The following GRIK4 variants were observed in gnomAD, a reference collection of about 807,000 sequenced individuals.
GRIK4 encodes the protein glutamate receptor ionotropic, kainate 4.
In GRIK4, 40 loss-of-function variants were observed where a neutral mutation model predicts 104.9. That is an observed-to-expected ratio of 0.38 (90% confidence interval 0.30 to 0.50). The LOEUF is 0.50. GRIK4 is among the 20% of genes least tolerant of loss of function. The pLI, the probability that GRIK4 is intolerant of heterozygous loss-of-function variation, is 0.93. For synonymous variants in GRIK4, 485 were observed against 524.9 expected (o/e 0.92, Z 1.04); for missense variants, 1,047 against 1,308.1 (o/e 0.80, Z 3.08).
rs924003768 is a variant in GRIK4 at position 120,600,235 on chromosome 11, C to T, written c.-158-53450C>T. 2.6e-5 allele frequency among the ~76,000 whole-genome samples: 4 copies of T among 152,330 alleles called. No individual in the cohort carries two copies. In the South Asian group the frequency reaches 6.2e-4, roughly 24 times the overall value. ...CCCACAGCGGGAGGGTACCTCCACC[C>T]ACCAGGCTTCCGGCTTCTCAGCGTG... On this transcript the variant is annotated intron_variant, in intron 1 of 20. Transcript: ENST00000527524.
At chr11:120,925,214 A>T (rs1943317046) in intron 13 of GRIK4, among the ~76,000 whole-genome samples, 1 of 152,212 alleles carries the variant, frequency 6.6e-6, no homozygotes, top group African/African-American at 2.4e-5. Context: ...TTACCCAACA[A>T]AAACAGTCCT....
intron 3 of GRIK4, among the ~76,000 whole-genome samples, chr11:120,698,998 G>A (rs944176768): frequency 6.6e-6 from 1 of 152,196 alleles, no homozygotes; most frequent in Non-Finnish European, 1.5e-5. Flanking sequence ...GTTAAAATGG[G>A]GATAAATTCT....
chr11:120,862,477 A>C (rs1954288298), intron 9 of GRIK4, among the ~76,000 whole-genome samples: 1 of 152,122 alleles, frequency 6.6e-6, no homozygotes, highest in Admixed American at 6.5e-5. Flanking sequence ...CATTTTTCAG[A>C]TAAGGAAACT....
intron 13 of GRIK4, among the ~76,000 whole-genome samples, chr11:120,930,702 C>T (rs752411953): frequency 4.1e-4 from 62 of 152,158 alleles, no homozygotes; most frequent in Non-Finnish European, 7.5e-4. Context: ...TTGAATAGAC[C>T]TTGAAGAGTA....
rs554940463 is a variant in GRIK4 at position 120,514,318 on chromosome 11, C to T, written c.-159+2431C>T. 3.3e-5 allele frequency among the ~76,000 whole-genome samples: 5 copies of T among 152,132 alleles called. No individual in the cohort carries two copies. The South Asian group carries it at 1.0e-3, about 32-fold the overall frequency. On this transcript the variant is annotated intron_variant, in intron 1 of 20. Coordinates refer to ENST00000527524, the MANE Select transcript of GRIK4 (RefSeq NM_014619.5). ...TACTTCATTTGATCTCTACTACAGC[C>T]CTGCAAGCATCTGATCGCTCCTTAC...
intron 1 of GRIK4, among the ~76,000 whole-genome samples, chr11:120,519,821 C>T (rs1947773821): frequency 6.6e-6 from 1 of 151,030 alleles, no homozygotes; most frequent in South Asian, 2.1e-4. Flanking sequence ...ATGCACTAAT[C>T]CCTCCCTAAT....
chr11:120,557,884 G>A (rs1182545857), intron 1 of GRIK4, among the ~76,000 whole-genome samples: 1 of 152,084 alleles, frequency 6.6e-6, no homozygotes, highest in African/African-American at 2.4e-5. Context: ...TGGGCGCGGT[G>A]GCGGGCGCCT....
intron 3 of GRIK4, among the ~76,000 whole-genome samples, chr11:120,740,834 A>G (rs1237674760): frequency 6.6e-6 from 1 of 152,130 alleles, no homozygotes. Flanking sequence ...TATCTGCATA[A>G]TGCTTTATTA....
chr11:120,689,922 G>A (rs1039385293), intron 3 of GRIK4, among the ~76,000 whole-genome samples: 1 of 152,164 alleles, frequency 6.6e-6, no homozygotes, highest in Non-Finnish European at 1.5e-5. Context: ...CCTGGTGCTC[G>A]ATAAATATTT....
At chr11:120,639,506 G>A (rs947650452) in intron 1 of GRIK4, among the ~76,000 whole-genome samples, 2 of 152,090 alleles carry the variant, frequency 1.3e-5, no homozygotes, top group Admixed American at 6.5e-5. Context: ...CCCCTGTCTC[G>A]CAGTCTCTCC....
At chr11:120,737,162 AAC>A (rs1489317053) in intron 3 of GRIK4, among the ~76,000 whole-genome samples, 2 of 152,206 alleles carry the variant, frequency 1.3e-5, no homozygotes, top group African/African-American at 4.8e-5. Flanking sequence ...GATGGCCGGG[AAC>A]CACTTTATCT....
At chr11:120,617,309 GCTGA>G (rs1435937596) in intron 1 of GRIK4, among the ~76,000 whole-genome samples, 4 of 152,166 alleles carry the variant, frequency 2.6e-5, no homozygotes, top group Non-Finnish European at 4.4e-5. Context: ...TGGATGAACA[GCTGA>G]CTAAGAAGAT....
intron 11 of GRIK4, among the ~76,000 whole-genome samples, chr11:120,897,742 T>C (rs1422959222): frequency 1.3e-5 from 2 of 151,766 alleles, no homozygotes; most frequent in Admixed American, 6.6e-5. Context: ...CAGCATGTAT[T>C]GAGTGCCAGG....
chr11:120,955,316 G>C (rs1039559491), intron 15 of GRIK4, among the ~76,000 whole-genome samples: 2 of 152,200 alleles, frequency 1.3e-5, no homozygotes, highest in African/African-American at 4.8e-5. Context: ...CAGGTCAAAG[G>C]ACCAATGCTG....
At chr11:120,965,329 C>T (rs1455877857) in intron 18 of GRIK4, among the ~76,000 whole-genome samples, 1 of 152,308 alleles carries the variant, frequency 6.6e-6, no homozygotes, top group East Asian at 1.9e-4. Flanking sequence ...AGACAGTTCT[C>T]TCTAAACCTG....
intron 1 of GRIK4, among the ~76,000 whole-genome samples, chr11:120,516,151 C>T (rs966068125): frequency 6.6e-6 from 1 of 152,166 alleles, no homozygotes; most frequent in Non-Finnish European, 1.5e-5. Flanking sequence ...AGGGATGGGG[C>T]GGTTGTGGAG....
At chr11:120,812,447 G>A (rs1952848757) in intron 4 of GRIK4, among the ~76,000 whole-genome samples, 1 of 152,166 alleles carries the variant, frequency 6.6e-6, no homozygotes, top group Admixed American at 6.5e-5. Context: ...ATAGAAGTGT[G>A]GAGATCCAAC....
At chr11:120,816,970 A>C (rs773234171) in intron 5 of GRIK4, among the ~76,000 whole-genome samples, 30 of 152,150 alleles carry the variant, frequency 2.0e-4, no homozygotes, top group Non-Finnish European at 3.4e-4. Context: ...GCCGTGGCCC[A>C]GGAAGTTAGA....
intron 1 of GRIK4, among the ~76,000 whole-genome samples, chr11:120,522,316 C>CT (rs955453557): frequency 6.6e-6 from 1 of 152,006 alleles, no homozygotes; most frequent in Admixed American, 6.6e-5. Flanking sequence ...TCCCATGGGT[C>CT]TTTTTTTTCT....
Sources: gnomAD v4.1 joint callset for allele counts (sites outside exome capture counted in the v4.1 genomes callset) on GRCh38, gnomAD v4.1.1 for gene constraint, MANE v1.5 for transcripts, NCBI Gene and HGNC (gene_info 2026-07-23, HGNC 2026-07-21) for gene names.